The following VWA8 variants were observed in gnomAD, a reference collection of about 807,000 sequenced individuals.
VWA8 encodes the protein von Willebrand factor A domain containing 8.
Under a neutral mutation model 241.5 loss-of-function variants are expected in VWA8, and 221 were observed. The observed-to-expected ratio is 0.91, with a 90% CI of 0.82 to 1.02. The LOEUF is 1.02. Among genes scored for constraint, VWA8 ranks in the 50% least tolerant of loss-of-function variants. The probability of loss-of-function intolerance (pLI) is 0.00; values close to 1 mark genes in which losing one functional copy is unlikely to be tolerated. For synonymous variants in VWA8, 852 were observed against 827.1 expected (o/e 1.03, Z -0.52); for missense variants, 2,322 against 2,328.7 (o/e 1.00, Z 0.06).
chr13:41,855,336 T>C (rs1011914955), intron 12 of VWA8, among the ~76,000 whole-genome samples: 1 of 145,228 alleles, frequency 6.9e-6, no homozygotes, highest in Admixed American at 7.0e-5. Context: ...ATATATAATA[T>C]ATAATATATA....
At chr13:41,697,635 A>C (rs934956496) in intron 29 of VWA8, among the ~76,000 whole-genome samples, 1 of 152,222 alleles carries the variant, frequency 6.6e-6, no homozygotes, top group Non-Finnish European at 1.5e-5. Context: ...TGCGCAGTTC[A>C]CAATAGGGTT....
At chr13:41,809,615 AGAAT>A (rs1483670078) in intron 17 of VWA8, among the ~76,000 whole-genome samples, 1 of 152,220 alleles carries the variant, frequency 6.6e-6, no homozygotes, top group Non-Finnish European at 1.5e-5. Context: ...AAATGGATTA[AGAAT>A]TAAATCTAAG....
At chr13:41,619,099 T>C (rs373013342) in intron 37 of VWA8, among the ~76,000 whole-genome samples, 1 of 152,212 alleles carries the variant, frequency 6.6e-6, no homozygotes, top group Non-Finnish European at 1.5e-5. Context: ...ATTCTTCCTA[T>C]CCATGAGCAT....
At chr13:41,621,305 T>C (rs1469495968) in intron 37 of VWA8, among the ~76,000 whole-genome samples, 1 of 152,226 alleles carries the variant, frequency 6.6e-6, no homozygotes, top group Admixed American at 6.5e-5. Flanking sequence ...GGCTAAGCAA[T>C]GAAGTTTGGT....
At chr13:41,834,451 A>T (rs1871627264) in intron 12 of VWA8, among the ~76,000 whole-genome samples, 1 of 152,248 alleles carries the variant, frequency 6.6e-6, no homozygotes. Context: ...AAACTAATGA[A>T]TTTGCTTTAT....
intron 5 of VWA8, among the ~76,000 whole-genome samples, chr13:41,889,420 C>T (rs1422969482): frequency 6.6e-6 from 1 of 151,876 alleles, no homozygotes; most frequent in Non-Finnish European, 1.5e-5. Flanking sequence ...GCTCCCTCAC[C>T]CAGGCTGGAG....
intron 2 of VWA8, among the ~76,000 whole-genome samples, chr13:41,921,059 A>C (rs956299816): frequency 1.3e-5 from 2 of 152,110 alleles, no homozygotes; most frequent in Middle Eastern, 3.2e-3. Flanking sequence ...CAAACCAAAA[A>C]CAGCAGCACA....
chr13:41,690,611 G>C (rs1248297201), intron 32 of VWA8, among the ~76,000 whole-genome samples: 2 of 152,088 alleles, frequency 1.3e-5, no homozygotes, highest in Admixed American at 1.3e-4. Context: ...GGAAGGGGGA[G>C]TATGACTTCT....
At chr13:41,748,276 T>G (rs1258960412) in intron 21 of VWA8, among the ~76,000 whole-genome samples, 2 of 152,160 alleles carry the variant, frequency 1.3e-5, no homozygotes, top group South Asian at 2.1e-4. Context: ...CAATTTCAGA[T>G]CCTGTTATTG....
At chr13:41,739,862 T>A (rs1183349477) in intron 21 of VWA8, among the ~76,000 whole-genome samples, 5 of 113,932 alleles carry the variant, frequency 4.4e-5, no homozygotes, top group East Asian at 2.4e-4. Context: ...TTTTTGTTTT[T>A]TTTTTTTTTT....
At chr13:41,736,900 A>G (rs1359869005) in intron 21 of VWA8, among the ~76,000 whole-genome samples, 1 of 147,964 alleles carries the variant, frequency 6.8e-6, no homozygotes. Flanking sequence ...CTGGAGCGCA[A>G]TGGCATGATC....
intron 34 of VWA8, among the ~76,000 whole-genome samples, chr13:41,687,984 T>C (rs2137814127): frequency 6.6e-6 from 1 of 152,132 alleles, no homozygotes; most frequent in East Asian, 1.9e-4. Flanking sequence ...CAGAAGAAGG[T>C]AATTAGAAGA....
At chr13:41,663,618 C>G (rs1196546758) in intron 37 of VWA8, among the ~76,000 whole-genome samples, 2 of 151,902 alleles carry the variant, frequency 1.3e-5, no homozygotes, top group Non-Finnish European at 1.5e-5. Flanking sequence ...TATTGACTTC[C>G]TATTATGAAA....
intron 29 of VWA8, among the ~76,000 whole-genome samples, chr13:41,694,029 A>G (rs1017391418): frequency 9.2e-5 from 14 of 151,972 alleles, no homozygotes; most frequent in African/African-American, 3.4e-4. Flanking sequence ...AAGAATTAAT[A>G]AAAACCTTGA....
intron 37 of VWA8, among the ~76,000 whole-genome samples, chr13:41,634,567 G>C (rs1004896649): frequency 6.6e-6 from 1 of 152,206 alleles, no homozygotes; most frequent in African/African-American, 2.4e-5. Flanking sequence ...CAGTGTTTGA[G>C]TGTGTGGGAG....
intron 4 of VWA8, among the ~76,000 whole-genome samples, chr13:41,899,270 T>C (rs1875308500): frequency 6.6e-6 from 1 of 152,180 alleles, no homozygotes; most frequent in African/African-American, 2.4e-5. Flanking sequence ...TTACACACTA[T>C]CTAAATGGCA....
At chr13:41,898,831 T>G (rs1348940643) in intron 4 of VWA8, among the ~76,000 whole-genome samples, 2 of 150,970 alleles carry the variant, frequency 1.3e-5, no homozygotes, top group Non-Finnish European at 3.0e-5. Context: ...GGGTGCTAAG[T>G]CCCTCATTGC....
At chr13:41,591,664 C>A (rs1250172749) in intron 40 of VWA8, among the ~76,000 whole-genome samples, 1 of 150,556 alleles carries the variant, frequency 6.6e-6, no homozygotes, top group Non-Finnish European at 1.5e-5. Flanking sequence ...AGGACATGAA[C>A]AGACACTTCT....
intron 37 of VWA8, among the ~76,000 whole-genome samples, chr13:41,617,539 G>C (rs565507351): frequency 6.6e-6 from 1 of 152,104 alleles, no homozygotes; most frequent in African/African-American, 2.4e-5. Context: ...TGCACAACGT[G>C]CAGGTTTGTT....
Sources: gnomAD v4.1 joint callset for allele counts (sites outside exome capture counted in the v4.1 genomes callset) on GRCh38, gnomAD v4.1.1 for gene constraint, MANE v1.5 for transcripts, NCBI Gene and HGNC (gene_info 2026-07-23, HGNC 2026-07-21) for gene names.